Variants in PLD5 observed in about 807,000 individuals in gnomAD.
The protein encoded by PLD5 is phospholipase D family member 5, also known as inactive phospholipase D5.
PLD5 carries 36 observed loss-of-function variants against 61.1 expected under a neutral mutation model. The ratio of observed to expected loss-of-function variants is 0.59; its 90% CI spans 0.45 to 0.78. The LOEUF (loss-of-function observed/expected upper bound fraction) is 0.78, where lower values mean the gene tolerates loss of function less well. Among genes scored for constraint, PLD5 ranks in the 30% least tolerant of loss-of-function variants. The pLI, the probability that PLD5 is intolerant of heterozygous loss-of-function variation, is 0.00. For missense variants in PLD5, 515 were observed against 644.4 expected (o/e 0.80, Z 2.17); for synonymous variants, 243 against 242.8 (o/e 1.00, Z -0.01).
At chr1:242,493,569 C>T (rs1236389299) in intron 1 of PLD5, among the ~76,000 whole-genome samples, 1 of 152,166 alleles carries the variant, frequency 6.6e-6, no homozygotes, top group Non-Finnish European at 1.5e-5. Context: ...CCTGCCCTCG[C>T]CGCCACCTCC....
At chr1:242,499,822 C>A (rs1668494891) in intron 1 of PLD5, among the ~76,000 whole-genome samples, 1 of 152,196 alleles carries the variant, frequency 6.6e-6, no homozygotes. Flanking sequence ...TTTGCTTAAA[C>A]ATGTCTATTT....
intron 1 of PLD5, among the ~76,000 whole-genome samples, chr1:242,510,673 G>A (rs12042871): frequency 0.41 from 61,994 of 151,706 alleles, 12,797 homozygotes; most frequent in Admixed American, 0.45. Flanking sequence ...GTGAAACCCC[G>A]TCTCTACTAA....
At chr1:242,131,056 A>T (rs532668930) in intron 5 of PLD5, among the ~76,000 whole-genome samples, 3 of 152,182 alleles carry the variant, frequency 2.0e-5, no homozygotes, top group African/African-American at 7.2e-5. Flanking sequence ...CTGTAATCCC[A>T]GCACTTTGGG....
chr1:242,187,306 T>C (rs1461702868), intron 5 of PLD5, among the ~76,000 whole-genome samples: 2 of 152,180 alleles, frequency 1.3e-5, no homozygotes, highest in Non-Finnish European at 1.5e-5. Flanking sequence ...CTTTTGACCA[T>C]GAGGCAACCA....
chr1:242,182,926 T>A (rs1289742079), intron 5 of PLD5, among the ~76,000 whole-genome samples: 1 of 152,142 alleles, frequency 6.6e-6, no homozygotes, highest in African/African-American at 2.4e-5. Context: ...GAGGTTTGAG[T>A]TCATGTTACT....
chr1:242,440,127 A>T (rs1320178818), intron 1 of PLD5, among the ~76,000 whole-genome samples: 1 of 152,264 alleles, frequency 6.6e-6, no homozygotes, highest in Non-Finnish European at 1.5e-5. Flanking sequence ...AGAAGGAGTT[A>T]CAGGATATAG....
At chr1:242,432,064 G>A (rs549301721) in intron 1 of PLD5, among the ~76,000 whole-genome samples, 5 of 152,144 alleles carry the variant, frequency 3.3e-5, no homozygotes, top group African/African-American at 7.2e-5. Context: ...AGTCAGGGGC[G>A]GTGGTTCATG....
Position 242,524,310 on chromosome 1 carries a change from G to T in PLD5, c.-34C>A. On this transcript the variant is annotated 5_prime_UTR_variant, in exon 1 of 10. Transcript: ENST00000536534. ...GACCGGGCGGCCGCCGGCGAGCAGCGGACTCGGGACGGGCGCGCGGGGAGC... is the reference window on the plus strand; with the variant it reads ...GACCGGGCGGCCGCCGGCGAGCAGCTGACTCGGGACGGGCGCGCGGGGAGC... The T allele has an allele frequency of 7.3e-7, 1 of 1,377,412 alleles. No individual in the cohort carries two copies. 85.3% of individuals were successfully genotyped at this position (1,377,412 alleles called of 1,614,324 possible).
intron 1 of PLD5, among the ~76,000 whole-genome samples, chr1:242,381,515 A>G (rs1662278381): frequency 6.6e-6 from 1 of 152,146 alleles, no homozygotes; most frequent in South Asian, 2.1e-4. Flanking sequence ...CATGTAACAA[A>G]CCTGCACATC....
chr1:242,272,697 T>C (rs1260382930), intron 3 of PLD5, among the ~76,000 whole-genome samples: 2 of 152,124 alleles, frequency 1.3e-5, no homozygotes, highest in East Asian at 1.9e-4. Flanking sequence ...TAGAAAGCTA[T>C]GAATAGGTGG....
intron 4 of PLD5, among the ~76,000 whole-genome samples, chr1:242,263,066 G>A (rs1673460538): frequency 6.6e-6 from 1 of 152,086 alleles, no homozygotes. Flanking sequence ...AGCATGGGGA[G>A]CAAAAGGAAC....
chr1:242,286,822 G>A (rs1008498970), intron 3 of PLD5, among the ~76,000 whole-genome samples: 4 of 152,148 alleles, frequency 2.6e-5, no homozygotes, highest in African/African-American at 9.7e-5. Context: ...AAGAGCAAAA[G>A]GGGTATTGGA....
At chr1:242,281,792 A>G (rs12027394) in intron 3 of PLD5, among the ~76,000 whole-genome samples, 23,312 of 152,094 alleles carry the variant, frequency 0.15, 2,494 homozygotes, top group African/African-American at 0.3. Context: ...CCAAAGATAG[A>G]GCAGCTGCTT....
At chr1:242,141,205 C>T (rs1664137550) in intron 5 of PLD5, among the ~76,000 whole-genome samples, 1 of 152,172 alleles carries the variant, frequency 6.6e-6, no homozygotes, top group African/African-American at 2.4e-5. Context: ...GTTCTCCTTT[C>T]ACTGCTATGG....
chr1:242,418,058 G>A (rs1664925779), intron 1 of PLD5, among the ~76,000 whole-genome samples: 2 of 152,144 alleles, frequency 1.3e-5, no homozygotes, highest in African/African-American at 4.8e-5. Context: ...ACAATCCAGG[G>A]GAGAAACATA....
At chr1:242,419,665 G>A (rs1022491329) in intron 1 of PLD5, among the ~76,000 whole-genome samples, 4 of 144,998 alleles carry the variant, frequency 2.8e-5, no homozygotes, top group African/African-American at 5.2e-5. Context: ...TGCCCGCCTC[G>A]GCCTCCCGAA....
chr1:242,258,720 G>A (rs1012962616), intron 4 of PLD5, among the ~76,000 whole-genome samples: 3 of 152,032 alleles, frequency 2.0e-5, no homozygotes, highest in Admixed American at 6.6e-5. Context: ...GACATATTCT[G>A]GTAAGCTTCA....
chr1:242,089,300 A>G lies in PLD5; in HGVS notation c.*554T>C, dbSNP rs776509997. 1 of 399,442 alleles carries G rather than the reference A, an allele frequency of 2.5e-6. No individual in the cohort carries two copies. The highest frequency in any genetic ancestry group is 4.4e-6 in the Non-Finnish European group (1 of 226,694). The allele number at this position is 399,442 out of a possible 1,614,324, so 24.7% of individuals were successfully genotyped here. A position where few individuals can be genotyped will look rare whatever the true frequency, so the allele number is the denominator to read the frequency against. On this transcript the variant is annotated 3_prime_UTR_variant, in exon 10 of 10. Coordinates refer to ENST00000536534, the MANE Select transcript of PLD5 (RefSeq NM_001372062.1). ...TGATACCAAATAAAACTTATGGTAT[A>G]AGAAGAAAATGAGCAAGACAGAAAA...
intron 3 of PLD5, among the ~76,000 whole-genome samples, chr1:242,274,483 G>T (rs568584995): frequency 2.6e-5 from 4 of 152,312 alleles, no homozygotes; most frequent in Non-Finnish European, 4.4e-5. Flanking sequence ...GGCCAGGCGT[G>T]GTGGCTCACG....
Sources: gnomAD v4.1 joint callset for allele counts (sites outside exome capture counted in the v4.1 genomes callset) on GRCh38, gnomAD v4.1.1 for gene constraint, MANE v1.5 for transcripts, NCBI Gene and HGNC (gene_info 2026-07-23, HGNC 2026-07-21) for gene names.